The following MYH14 variants were observed in gnomAD, a reference collection of about 807,000 sequenced individuals.
The protein encoded by MYH14 is myosin-14.
A neutral mutation model predicts 255.5 loss-of-function variants in MYH14; 123 were observed. That is an observed-to-expected ratio of 0.48 (90% CI 0.42 to 0.56). The LOEUF is 0.56. MYH14 is among the 20% of genes least tolerant of loss of function. The pLI is 0.00. For synonymous variants in MYH14, 1,095 were observed against 1,161.2 expected, an observed-to-expected ratio of 0.94 and a Z score of 1.16; for missense variants, 2,423 against 2,802.3, an observed-to-expected ratio of 0.86 and a Z score of 3.06.
chr19:50,239,611 C>A (rs949896761), intron 10 of MYH14, among the ~76,000 whole-genome samples: 5 of 151,444 alleles, frequency 3.3e-5, no homozygotes, highest in African/African-American at 1.2e-4. Context: ...GTGCAGTGGC[C>A]CGATCTCCGC....
At chr19:50,236,305 C>A (rs961699419) in intron 10 of MYH14, among the ~76,000 whole-genome samples, 2 of 152,026 alleles carry the variant, frequency 1.3e-5, no homozygotes, top group African/African-American at 4.8e-5. Flanking sequence ...TGCACTCCAG[C>A]CTGGGCGACA....
At chr19:50,214,332 TG>T (rs1221079131) in intron 2 of MYH14, among the ~76,000 whole-genome samples, 1 of 152,204 alleles carries the variant, frequency 6.6e-6, no homozygotes, top group African/African-American at 2.4e-5. Flanking sequence ...ACATGTTTGT[TG>T]ACTGACCAAC....
In MYH14 at chr19:50,263,342, C is replaced by T. The variant is rs745456552; in HGVS notation, c.2616C>T (p.Ser872=). Residue 872 remains serine (S), a synonymous_variant, in exon 22 of 43, where the codon AGC becomes AGT. Coordinates refer to ENST00000642316, the MANE Select transcript of MYH14 (RefSeq NM_001145809.2). ...RAFQKRQQQQ[S]ALRVMQRNCA... ...TCCAGAAGCGCCAGCAGCAGCAGAG[C>T]GCCCTGAGGGTGATGCAGCGGAACT... 42 of 1,582,682 alleles carry T rather than the reference C, an allele frequency of 2.7e-5. No homozygotes were observed. In the South Asian group the frequency reaches 3.5e-4, roughly 13 times the overall value.
At chr19:50,206,651 G>A (rs533619486) in intron 1 of MYH14, among the ~76,000 whole-genome samples, 1 of 152,280 alleles carries the variant, frequency 6.6e-6, no homozygotes, top group East Asian at 1.9e-4. Flanking sequence ...GGGTCTGGGA[G>A]GAAGTGGGTC....
chr19:50,296,117 A>AG (rs547614809), intron 39 of MYH14, among the ~76,000 whole-genome samples: 1 of 151,812 alleles, frequency 6.6e-6, no homozygotes, highest in Non-Finnish European at 1.5e-5. Flanking sequence ...TCAAAAAAAA[A>AG]AAAAAAGTTT....
At chr19:50,203,832 G>T (rs372473500) in intron 1 of MYH14, among the ~76,000 whole-genome samples, 161 bp downstream of exon 1, 94 of 152,248 alleles carry the variant, frequency 6.2e-4, no homozygotes, top group African/African-American at 2.2e-3. Flanking sequence ...GCAGCGGGAC[G>T]GCGGCGAGGG....
intron 32 of MYH14, among the ~76,000 whole-genome samples, chr19:50,281,342 AG>A (rs1452288994): frequency 1.3e-5 from 2 of 152,138 alleles, no homozygotes; most frequent in African/African-American, 2.4e-5. Flanking sequence ...CCAGCAGCCG[AG>A]GGGCTCCCCA....
At chr19:50,212,544 A>T (rs759313785) in intron 2 of MYH14, among the ~76,000 whole-genome samples, 13 of 152,220 alleles carry the variant, frequency 8.5e-5, no homozygotes, top group Non-Finnish European at 1.5e-4. Flanking sequence ...TCACGCCAGG[A>T]TTTGAACCCA....
chr19:50,258,244 T>G (rs1355466910), intron 18 of MYH14, among the ~76,000 whole-genome samples: 1 of 151,936 alleles, frequency 6.6e-6, no homozygotes, highest in African/African-American at 2.4e-5. Context: ...ATCCCATATT[T>G]TATCAAATCT....
chr19:50,231,274 C>T (rs924149599), intron 9 of MYH14, among the ~76,000 whole-genome samples: 12 of 152,266 alleles, frequency 7.9e-5, no homozygotes, highest in Admixed American at 3.3e-4. Flanking sequence ...CCTTTGAGAC[C>T]GCATGTCCTT....
chr19:50,245,912 A>G (rs954427350), intron 11 of MYH14, among the ~76,000 whole-genome samples: 2 of 151,684 alleles, frequency 1.3e-5, no homozygotes, highest in Non-Finnish European at 2.9e-5. Context: ...GTTATTCACA[A>G]GAAACTCTAC....
rs1294355104 is a variant in MYH14, at chr19:50,281,638, G to A, written c.4335G>A (p.Leu1445=). 2 of 1,605,152 alleles carry A rather than the reference G, an allele frequency of 1.2e-6. No homozygotes were observed. The highest frequency in any genetic ancestry group is 1.7e-5 in the Admixed American group (1 of 59,524). ...RRRQEEEAGA[L]EAGEEARRRA... The stretch of plus-strand genomic sequence containing the variant: ...GCCAGGAGGAGGAGGCAGGGGCACT[G>A]GAGGCAGGGGAGGAGGCACGGCGCC... Residue 1445 remains leucine, a synonymous_variant, in exon 33 of 43, where the codon CTG becomes CTA. Coordinates refer to ENST00000642316, the MANE Select transcript of MYH14 (RefSeq NM_001145809.2).
At position 50,259,129 on chromosome 19, in the gene MYH14, G is replaced by T; in HGVS notation, c.2233-15G>T. The T allele has an allele frequency of 6.5e-7, 1 of 1,545,692 alleles. No homozygotes were observed. The highest frequency in any genetic ancestry group is 1.2e-5 in the South Asian group (1 of 84,014). On this transcript the variant is annotated splice_polypyrimidine_tract_variant and intron_variant, in intron 18 of 42. Transcript: ENST00000642316. ...GGCCGCCGCTGACCCCCGCGTGTCCGTCCGCTCTCCCCAGGCCGGGAAGCT... is the reference window on the plus strand; with the variant it reads ...GGCCGCCGCTGACCCCCGCGTGTCCTTCCGCTCTCCCCAGGCCGGGAAGCT...
At chr19:50,273,675 C>T (rs2035402476) in intron 27 of MYH14, among the ~76,000 whole-genome samples, 2 of 150,230 alleles carry the variant, frequency 1.3e-5, no homozygotes, top group South Asian at 4.2e-4. Flanking sequence ...GGAGTCTTGC[C>T]CTGTTTCCCA....
intron 27 of MYH14, among the ~76,000 whole-genome samples, chr19:50,274,353 G>A (rs1295690669): frequency 1.3e-5 from 2 of 152,136 alleles, no homozygotes; most frequent in Middle Eastern, 3.2e-3. Flanking sequence ...GGAGTGCAGT[G>A]GCATGATCTT....
At chr19:50,213,097 C>T (rs1482459452) in intron 2 of MYH14, among the ~76,000 whole-genome samples, 6 of 152,250 alleles carry the variant, frequency 3.9e-5, no homozygotes, top group African/African-American at 1.2e-4. Context: ...GGACTACAGG[C>T]GCCTGCCACC....
In MYH14 at chr19:50,268,366, A is replaced by G. The variant is rs1600986339; in HGVS notation, c.3032A>G (p.Gln1011Arg). Residue 1011 changes from glutamine (Q) to arginine (R), a missense_variant and splice_region_variant, in exon 24 of 43, where the codon CAG becomes CGG. Gln to Arg is a conservative substitution (Grantham distance 43). This residue lies in a region of MYH14 where 1,513 missense variants were observed against 1,674.8 expected (regional missense o/e 0.90). Transcript: ENST00000642316. ...TEKKRLQQHIQELEAHLEAEE... is the reference protein window; with the variant it reads ...TEKKRLQQHIRELEAHLEAEE... Reference sequence around the variant, plus strand: ...AAGAAGAGGCTGCAGCAGCACATACAGGTCTGGCCCCTTGCATGCCCACCA... The same window carrying G: ...AAGAAGAGGCTGCAGCAGCACATACGGGTCTGGCCCCTTGCATGCCCACCA... 1.3e-6 allele frequency: 2 copies of G among 1,565,018 alleles called. No individual in the cohort carries two copies. The highest frequency in any genetic ancestry group is 1.2e-5 in the South Asian group (1 of 84,792).
rs371740277 is a variant in MYH14, at chr19:50,218,547, G to A, written c.562+776G>A. Among the ~76,000 whole-genome samples, 1,133 of 151,982 alleles carry A rather than the reference G, an allele frequency of 7.5e-3. 7 individuals are homozygous for A. Among genetic ancestry groups the A allele is most frequent in the Admixed American group, 8.8e-3 (135 of 15,274 alleles). On this transcript the variant is annotated intron_variant, in intron 3 of 42. Coordinates refer to ENST00000642316, the MANE Select transcript of MYH14 (RefSeq NM_001145809.2). ...CGGGAGGCGGAGCTTGCAGTGAGCC[G>A]AGATCGCGCCACTGCACTCCAGCCT...
chr19:50,309,940 T>C lies in MYH14; in HGVS notation c.*150T>C. ...CTGGCATTTATCACCCCCACCTGGG[T>C]CCCCTGCAACCTCCCATCAAAGGAT... is the stretch of plus-strand genomic sequence containing the variant. On this transcript the variant is annotated 3_prime_UTR_variant, in exon 43 of 43. Coordinates refer to ENST00000642316, the MANE Select transcript of MYH14 (RefSeq NM_001145809.2). The C allele has an allele frequency of 1.2e-6, 1 of 810,780 alleles. No individual in the cohort carries two copies. The highest frequency in any genetic ancestry group is 2.1e-6 in the Non-Finnish European group (1 of 486,974). The allele number at this position is 810,780 out of a possible 1,614,324, so 50.2% of individuals were successfully genotyped here.
Sources: allele counts gnomAD v4.1 joint callset (sites outside exome capture counted in the v4.1 genomes callset), GRCh38; gene constraint gnomAD v4.1.1; regional missense constraint gnomAD v4.1.1; transcripts MANE v1.5; gene names NCBI Gene and HGNC (gene_info 2026-07-23, HGNC 2026-07-21).